ZMAT3: variants seen among roughly 807,000 people sequenced by gnomAD.
ZMAT3 encodes zinc finger matrin-type protein 3.
ZMAT3 carries 17 observed loss-of-function variants against 32.3 expected under a neutral mutation model. That is an observed-to-expected ratio of 0.53 (90% CI 0.36 to 0.79). The LOEUF (loss-of-function observed/expected upper bound fraction) is 0.79, where lower values mean the gene tolerates loss of function less well. Among genes scored for constraint, ZMAT3 ranks in the 30% least tolerant of loss-of-function variants. The pLI is 0.00. For missense variants in ZMAT3, 329 were observed against 359.7 expected (o/e 0.91, Z 0.69); for synonymous variants, 120 against 133.1 (o/e 0.90, Z 0.68).
intron 2 of ZMAT3, among the ~76,000 whole-genome samples, chr3:179,031,832 G>A (rs546666135): frequency 6.6e-6 from 1 of 151,640 alleles, no homozygotes; most frequent in East Asian, 1.9e-4. Flanking sequence ...ACTTTAACCT[G>A]GGAGGCGGAG....
chr3:179,061,355 GAA>G (rs1721143482), intron 2 of ZMAT3, among the ~76,000 whole-genome samples: 1 of 151,802 alleles, frequency 6.6e-6, no homozygotes. Flanking sequence ...TATAATGCAA[GAA>G]AAAGAGGGGA....
rs1718443939 is a variant in ZMAT3, at chr3:179,019,619, T to C, written c.*5398A>G. The C allele has an allele frequency of 1.3e-5, 2 of 152,180 alleles. No individual in the cohort carries two copies. Among genetic ancestry groups the C allele is most frequent in the Admixed American group, 6.6e-5 (1 of 15,264 alleles). 9.4% of individuals were successfully genotyped at this position (152,180 alleles called of 1,614,324 possible). ...ATGTTGAGGAACATGTTAACATTTCTATAATAAAATCAGTCTAGCAGGGCG... is the reference window on the plus strand; with the variant it reads ...ATGTTGAGGAACATGTTAACATTTCCATAATAAAATCAGTCTAGCAGGGCG... On this transcript the variant is annotated 3_prime_UTR_variant, in exon 6 of 6. Transcript: ENST00000311417.
rs1721057954 is a variant in ZMAT3, at chr3:179,059,803, T to C, written c.270+7680A>G. Among the ~76,000 whole-genome samples, 2 of 152,094 alleles carry C rather than the reference T, an allele frequency of 1.3e-5. 1 individual carries two copies. Among genetic ancestry groups the C allele is most frequent in the African/African-American group, 4.8e-5 (2 of 41,418 alleles). On this transcript the variant is annotated intron_variant, in intron 2 of 5. Transcript: ENST00000311417. ...GTCGGCCAACCTCCCCAACAGCACT[T>C]GAGTTTTCCTGTTGAGAGGGGGGAC...
intron 2 of ZMAT3, among the ~76,000 whole-genome samples, chr3:179,055,925 G>A (rs934313582): frequency 2.0e-5 from 3 of 152,202 alleles, no homozygotes; most frequent in African/African-American, 7.2e-5. Context: ...GCAGTTCCCA[G>A]TGTAGACCCT....
chr3:179,053,271 G>T (rs1277822781), intron 2 of ZMAT3, among the ~76,000 whole-genome samples: 3 of 149,500 alleles, frequency 2.0e-5, no homozygotes, highest in African/African-American at 2.5e-5. Flanking sequence ...TCTATATAGA[G>T]ATAATTTATA....
At chr3:179,039,294 G>A (rs1400834275) in intron 2 of ZMAT3, among the ~76,000 whole-genome samples, 1 of 152,226 alleles carries the variant, frequency 6.6e-6, no homozygotes, top group East Asian at 1.9e-4. Flanking sequence ...CTAACTGGGA[G>A]ACACGTCCCA....
chr3:179,066,703 C>G (rs1317501577), intron 2 of ZMAT3, among the ~76,000 whole-genome samples: 2 of 152,202 alleles, frequency 1.3e-5, no homozygotes, highest in African/African-American at 2.4e-5. Context: ...TAACTTTATA[C>G]AGACAAATGT....
intron 3 of ZMAT3, 79 bp downstream of exon 3, chr3:179,030,801 G>A (rs1023000566): frequency 1.6e-5 from 25 of 1,523,692 alleles, no homozygotes; most frequent in South Asian, 8.0e-5. Context: ...ACACATGGAC[G>A]ACAAATGTCA....
chr3:179,055,666 A>G (rs1294481317), intron 2 of ZMAT3, among the ~76,000 whole-genome samples: 1 of 152,172 alleles, frequency 6.6e-6, no homozygotes, highest in Non-Finnish European at 1.5e-5. Context: ...CTCAGACTTA[A>G]AGCAAATTAA....
rs773449690 is a variant in ZMAT3 at position 179,024,857 on chromosome 3, C to T, written c.*160G>A. 3.7e-6 allele frequency: 2 copies of T among 541,978 alleles called. No homozygotes were observed. The highest frequency in any genetic ancestry group is 6.4e-6 in the Non-Finnish European group (2 of 313,096). The allele number at this position is 541,978 out of a possible 1,614,324, so 33.6% of individuals were successfully genotyped here. A position where few individuals can be genotyped will look rare whatever the true frequency, so the allele number is the denominator to read the frequency against. ...CACCCACCTCCCCCCGCCCCGCCCC[C>T]GGGCCCCCAGGTTTTGACATCTCAT... On this transcript the variant is annotated 3_prime_UTR_variant, in exon 6 of 6. Coordinates refer to ENST00000311417, the MANE Select transcript of ZMAT3 (RefSeq NM_022470.4).
rs1049345815 is a variant in ZMAT3 at position 179,046,547 on chromosome 3, G to A, written c.271-15548C>T. ...GCGGATTGCCACTGCAGACTCCGTG[G>A]GACAGCTGAGGAACTGAGTCGGCCT... On this transcript the variant is annotated intron_variant, in intron 2 of 5. Transcript: ENST00000311417. The surrounding 1 kb of genome is among the most constrained non-coding windows in gnomAD (Gnocchi z 4.3). Among the ~76,000 whole-genome samples, 1 of 152,156 alleles carries A rather than the reference G, an allele frequency of 6.6e-6. No homozygotes were observed. Among genetic ancestry groups the A allele is most frequent in the African/African-American group, 2.4e-5 (1 of 41,434 alleles).
intron 1 of ZMAT3, 65 bp downstream of exon 1, chr3:179,071,530 G>T (rs1356733289): frequency 6.6e-6 from 1 of 152,266 alleles, no homozygotes; most frequent in Non-Finnish European, 1.5e-5. Context: ...GAAAGGAACC[G>T]CTAGTCCCCG....
chr3:179,032,787 G>A (rs1301061391), intron 2 of ZMAT3, among the ~76,000 whole-genome samples: 1 of 151,768 alleles, frequency 6.6e-6, no homozygotes, highest in Admixed American at 6.6e-5. Context: ...TCTGGGAAGT[G>A]AGGAGCCCCT....
chr3:179,045,987 G>T (rs1299105281), intron 2 of ZMAT3, among the ~76,000 whole-genome samples: 1 of 152,226 alleles, frequency 6.6e-6, no homozygotes, highest in Non-Finnish European at 1.5e-5. Flanking sequence ...GTCATGTGAA[G>T]TGGTTTAACT....
At chr3:179,060,375 C>G (rs1244386824) in intron 2 of ZMAT3, among the ~76,000 whole-genome samples, 5 of 151,778 alleles carry the variant, frequency 3.3e-5, no homozygotes, top group African/African-American at 1.2e-4. Context: ...AGAATAGTGA[C>G]TAAGAAAGAA....
intron 2 of ZMAT3, among the ~76,000 whole-genome samples, chr3:179,045,566 C>T (rs1720188418): frequency 6.6e-6 from 1 of 151,922 alleles, no homozygotes; most frequent in Non-Finnish European, 1.5e-5. Context: ...AATATAGGGT[C>T]TAAAAATATA....
At chr3:179,062,652 A>G (rs1433359925) in intron 2 of ZMAT3, among the ~76,000 whole-genome samples, 1 of 152,218 alleles carries the variant, frequency 6.6e-6, no homozygotes, top group African/African-American at 2.4e-5. Context: ...ACAAGGATTG[A>G]TTATTGGGTA....
chr3:179,040,003 T>A (rs1719828301), intron 2 of ZMAT3, among the ~76,000 whole-genome samples: 1 of 151,584 alleles, frequency 6.6e-6, no homozygotes, highest in Non-Finnish European at 1.5e-5. Flanking sequence ...AATTAATTAA[T>A]GAAATAAAGC....
At position 179,021,523 on chromosome 3, in the gene ZMAT3, T is replaced by C. The variant is rs1718540085; in HGVS notation, c.*3494A>G. On this transcript the variant is annotated 3_prime_UTR_variant, in exon 6 of 6. Transcript: ENST00000311417. ...TGATGCTATGAGTTCCTATGGATGATTACCGAAATCTAAGTATTTTTTTTT... is the reference window on the plus strand; with the variant it reads ...TGATGCTATGAGTTCCTATGGATGACTACCGAAATCTAAGTATTTTTTTTT... 6.6e-6 allele frequency: 1 copy of C among 152,246 alleles called. No homozygotes were observed. The highest frequency in any genetic ancestry group is 1.9e-4 in the East Asian group (1 of 5,188). The allele number at this position is 152,246 out of a possible 1,614,324, so 9.4% of individuals were successfully genotyped here. A position where few individuals can be genotyped will look rare whatever the true frequency, so the allele number is the denominator to read the frequency against.
Sources: allele counts gnomAD v4.1 joint callset (sites outside exome capture counted in the v4.1 genomes callset), GRCh38; gene constraint gnomAD v4.1.1; non-coding constraint Gnocchi (gnomAD v3.1); transcripts MANE v1.5; gene names NCBI Gene and HGNC (gene_info 2026-07-23, HGNC 2026-07-21).